ELSPBP1: variants seen among roughly 807,000 people sequenced by gnomAD.
The protein encoded by ELSPBP1 is epididymal sperm-binding protein 1.
In ELSPBP1, 38 loss-of-function variants were observed where a neutral mutation model predicts 33.3. The observed-to-expected ratio is 1.14, with a 90% CI of 0.88 to 1.50. The LOEUF is 1.50. ELSPBP1 is among the 40% of genes most tolerant of loss of function. ELSPBP1 has a pLI of 0.00. For synonymous variants in ELSPBP1, 85 were observed against 94.1 expected (o/e 0.90, Z 0.56); for missense variants, 267 against 263.5 (o/e 1.01, Z -0.09).
chr19:48,000,089 G>C (rs1312965095), intron 1 of ELSPBP1, among the ~76,000 whole-genome samples: 1 of 152,098 alleles, frequency 6.6e-6, no homozygotes, highest in East Asian at 1.9e-4. Context: ...GCCTCCCAAA[G>C]TGCTGGGATT....
intron 5 of ELSPBP1, 48 bp downstream of exon 5, chr19:48,019,925 C>T: frequency 9.5e-6 from 15 of 1,580,026 alleles, no homozygotes; most frequent in Non-Finnish European, 1.2e-5. Context: ...GTCTTTCTTT[C>T]ATTTGCTCAA....
At chr19:48,015,267 G>A (rs138192221) in intron 3 of ELSPBP1, among the ~76,000 whole-genome samples, 236 of 152,250 alleles carry the variant, frequency 1.6e-3, no homozygotes, top group African/African-American at 4.1e-3. Flanking sequence ...GGAAGGGTTG[G>A]TCTCACCATC....
rs75838973 is a variant in ELSPBP1, at chr19:48,022,212, T to C, written c.557T>C (p.Phe186Ser). Residue 186 changes from phenylalanine (F) to serine (S), a missense_variant, in exon 6 of 7, where the codon TTC becomes TCC. Phe to Ser is a radical substitution (Grantham distance 155). Transcript: ENST00000339841. ...LVPGFPCHFP[F>S]NYKNKNYFNC... ...CCTGGCTTTCCTTGTCACTTTCCGT[T>C]CAACTATAAAAACAAGAATTATTTT... 9.0e-4 allele frequency: 1,448 copies of C among 1,613,776 alleles called. 1 individual carries two copies. Among genetic ancestry groups the C allele is most frequent in the Non-Finnish European group, 1.1e-3 (1,319 of 1,179,882 alleles).
chr19:48,001,742 G>A (rs1281315050), intron 1 of ELSPBP1, among the ~76,000 whole-genome samples: 1 of 151,408 alleles, frequency 6.6e-6, no homozygotes, highest in African/African-American at 2.4e-5. Context: ...TTTGTAGATA[G>A]GGGTCTCACT....
intron 1 of ELSPBP1, among the ~76,000 whole-genome samples, chr19:48,005,557 G>T (rs1270916195): frequency 6.6e-6 from 1 of 152,206 alleles, no homozygotes; most frequent in Non-Finnish European, 1.5e-5. Flanking sequence ...AACAGCCAAA[G>T]CTTGGAATTT....
chr19:48,009,363 G>A (rs764300519), intron 2 of ELSPBP1, among the ~76,000 whole-genome samples: 1 of 152,114 alleles, frequency 6.6e-6, no homozygotes, highest in Non-Finnish European at 1.5e-5. Flanking sequence ...TAAAAGGCAG[G>A]CTATATAATT....
Position 48,019,771 on chromosome 19 carries a change from AAAT to A in ELSPBP1, c.412_414del (p.Asn138del). On this transcript the variant is annotated inframe_deletion, in exon 5 of 7. Transcript: ENST00000339841. The stretch of plus-strand genomic sequence containing the variant: ...CCTGCATCTTCCCCTCCATCTACAG[AAAT>A]AATGTGGTCTCTGATTGCATGGAGG... 1 of 1,614,058 alleles carries A rather than the reference AAAT, an allele frequency of 6.2e-7. No homozygotes were observed. The highest frequency in any genetic ancestry group is 2.2e-5 in the East Asian group (1 of 44,862).
intron 2 of ELSPBP1, among the ~76,000 whole-genome samples, chr19:48,009,774 C>T (rs147693002): frequency 1.3e-5 from 2 of 150,678 alleles, no homozygotes; most frequent in East Asian, 1.9e-4. Context: ...CTATCAGCTG[C>T]TTGACACAAT....
chr19:48,004,559 A>C (rs1600102615), intron 1 of ELSPBP1, among the ~76,000 whole-genome samples: 2 of 149,488 alleles, frequency 1.3e-5, no homozygotes, highest in South Asian at 2.2e-4. Flanking sequence ...TGTATCCCCC[A>C]CCCCCATACC....
chr19:48,019,815 T>C lies in ELSPBP1; in HGVS notation c.452T>C (p.Leu151Pro), dbSNP rs1967179987. Reference sequence around the variant, plus strand: ...TGCATGGAGGATGAAAGCAACAAGCTCTGGTGCCCAACCACAGAGAACATG... The same window carrying C: ...TGCATGGAGGATGAAAGCAACAAGCCCTGGTGCCCAACCACAGAGAACATG... ...SDCMEDESNK[L>P]WCPTTENMDK... is the part of the protein sequence containing the mutation. Residue 151 changes from leucine (L) to proline (P), a missense_variant, in exon 5 of 7, where the codon CTC (leucine) becomes CCC (proline). By Grantham distance (98) the Leu-to-Pro change is moderately conservative. Coordinates refer to ENST00000339841, the MANE Select transcript of ELSPBP1 (RefSeq NM_022142.5). 1.2e-6 allele frequency: 2 copies of C among 1,613,826 alleles called. No individual in the cohort carries two copies. Among genetic ancestry groups the C allele is most frequent in the Non-Finnish European group, 1.7e-6 (2 of 1,179,964 alleles).
At chr19:48,019,446 G>A (rs1431845832) in intron 4 of ELSPBP1, among the ~76,000 whole-genome samples, 1 of 152,102 alleles carries the variant, frequency 6.6e-6, no homozygotes, top group Non-Finnish European at 1.5e-5. Flanking sequence ...TATCTTCCTG[G>A]GCAAGAATTT....
At chr19:48,021,827 G>A (rs930733866) in intron 5 of ELSPBP1, among the ~76,000 whole-genome samples, 12 of 151,996 alleles carry the variant, frequency 7.9e-5, no homozygotes, top group African/African-American at 1.9e-4. Context: ...GCTCAATGCC[G>A]CCTCGACCTC....
chr19:48,015,145 T>TGTTAATAA (rs1383290507), intron 3 of ELSPBP1, among the ~76,000 whole-genome samples: 3 of 152,048 alleles, frequency 2.0e-5, no homozygotes, highest in Non-Finnish European at 2.9e-5. Flanking sequence ...GAAAAGAAAA[T>TGTTAATAA]GTTAATAAGA....
intron 2 of ELSPBP1, 118 bp from the exon 3 acceptor site, chr19:48,014,053 G>C: frequency 8.5e-7 from 1 of 1,173,690 alleles, no homozygotes; most frequent in Non-Finnish European, 1.2e-6. Context: ...TGAATTTTGC[G>C]GCGGGGGCAG....
chr19:48,006,343 G>A (rs1967016998), intron 1 of ELSPBP1, among the ~76,000 whole-genome samples: 2 of 152,138 alleles, frequency 1.3e-5, no homozygotes, highest in Admixed American at 1.3e-4. Context: ...GTTGGGCCCA[G>A]TGGCTCACGC....
intron 1 of ELSPBP1, among the ~76,000 whole-genome samples, chr19:48,005,158 G>T (rs1432777288): frequency 6.6e-6 from 1 of 151,748 alleles, no homozygotes; most frequent in Non-Finnish European, 1.5e-5. Flanking sequence ...AGCCATGATG[G>T]CGCCACTGCA....
intron 5 of ELSPBP1, 28 bp downstream of exon 5, chr19:48,019,905 T>A (rs1345736600): frequency 1.3e-6 from 2 of 1,597,512 alleles, no homozygotes; most frequent in Non-Finnish European, 1.7e-6. Context: ...GTTGGGTGGG[T>A]GTGGGTGGAG....
In ELSPBP1 at chr19:47,999,582, T is replaced by C. The variant is rs139468124; in HGVS notation, c.-18+4771T>C. 5.3e-3 allele frequency among the ~76,000 whole-genome samples: 806 copies of C among 151,790 alleles called. 9 individuals carry two copies. Among genetic ancestry groups the C allele is most frequent in the African/African-American group, 0.019 (772 of 41,378 alleles). ...TTTTGTATTTTTAGTAGAGATGGGG[T>C]TCAACATGTTGGCCAGGCTGGTCTT... is the stretch of plus-strand genomic sequence containing the variant. On this transcript the variant is annotated intron_variant, in intron 1 of 6. Transcript: ENST00000339841.
intron 1 of ELSPBP1, among the ~76,000 whole-genome samples, chr19:48,001,185 T>G (rs1277408470): frequency 6.6e-6 from 1 of 151,834 alleles, no homozygotes. Flanking sequence ...GTTTTTTTTT[T>G]TTTTGACACA....
Sources: allele counts gnomAD v4.1 joint callset (sites outside exome capture counted in the v4.1 genomes callset), GRCh38; gene constraint gnomAD v4.1.1; transcripts MANE v1.5; gene names NCBI Gene and HGNC (gene_info 2026-07-23, HGNC 2026-07-21).